Variants in PAMR1 observed in about 807,000 individuals in gnomAD.
PAMR1 encodes peptidase domain containing associated with muscle regeneration 1, also known as inactive serine protease PAMR1.
In PAMR1, 88 loss-of-function variants were observed where a neutral mutation model predicts 81.8. That is an observed-to-expected ratio of 1.08 (90% CI 0.91 to 1.28). The LOEUF (loss-of-function observed/expected upper bound fraction) is 1.28. Ranked by LOEUF, PAMR1 falls within the 50% of genes most tolerant of loss-of-function variation. The pLI, the probability that PAMR1 is intolerant of heterozygous loss-of-function variation, is 0.00. For synonymous variants in PAMR1, 336 were observed against 345.3 expected (o/e 0.97, Z 0.30); for missense variants, 935 against 919.7 (o/e 1.02, Z -0.21).
At chr11:35,526,930 G>A (rs116222526), upstream of PAMR1, among the ~76,000 whole-genome samples, 957 of 152,288 alleles carry the variant, frequency 6.3e-3, 11 homozygotes, top group African/African-American at 0.022. Flanking sequence ...TACAAGTAGG[G>A]TGTGCTGAGC....
intron 1 of PAMR1, among the ~76,000 whole-genome samples, chr11:35,512,274 C>A (rs1851087808): frequency 6.6e-6 from 1 of 152,202 alleles, no homozygotes; most frequent in South Asian, 2.1e-4. Context: ...ACCCAGCACC[C>A]ACTAAGGATA....
At chr11:35,530,296 A>G (rs942171825), upstream of PAMR1, 1 of 152,236 alleles carries the variant, frequency 6.6e-6, no homozygotes, top group Non-Finnish European at 1.5e-5. Context: ...TCCAGCCCTA[A>G]TGAATCCCGG....
chr11:35,446,943 C>T (rs11603863), intron 6 of PAMR1, among the ~76,000 whole-genome samples: 18,012 of 152,036 alleles, frequency 0.12, 1,432 homozygotes, highest in Non-Finnish European at 0.18. Flanking sequence ...TTAAAGTCTC[C>T]CACTGTTTTT....
chr11:35,439,638 C>G lies in PAMR1; in HGVS notation c.1089G>C (p.Gln363His), dbSNP rs1355593455. The change falls in exon 8 of 11, where the codon CAG (glutamine) becomes CAC (histidine). Residue 363 changes from glutamine to histidine, a missense_variant. Coordinates refer to ENST00000619888, the MANE Select transcript of PAMR1 (RefSeq NM_001001991.3). ...DLVRRRVLPM[Q>H]VQSRETPLHQ... ...TGTTTTGACCTCACCTTGACTGAAC[C>G]TGCATCGGAAGAACTCTCCTTCTCA... 9 of 1,613,764 alleles carry G rather than the reference C, an allele frequency of 5.6e-6. No individual in the cohort carries two copies. Among genetic ancestry groups the G allele is most frequent in the Non-Finnish European group, 7.6e-6 (9 of 1,179,764 alleles).
intron 6 of PAMR1, among the ~76,000 whole-genome samples, chr11:35,461,996 CT>C (rs962867471): frequency 2.6e-5 from 4 of 152,108 alleles, no homozygotes; most frequent in Non-Finnish European, 5.9e-5. Flanking sequence ...CTCCCTGCCC[CT>C]TTAACAAAAT....
intron 7 of PAMR1, among the ~76,000 whole-genome samples, chr11:35,441,051 TC>T (rs966533331): frequency 6.6e-6 from 1 of 152,336 alleles, no homozygotes; most frequent in African/African-American, 2.4e-5. Context: ...ACATCTTCAA[TC>T]CTCCCCCTCC....
intron 1 of PAMR1, among the ~76,000 whole-genome samples, chr11:35,516,208 C>A (rs1184050470): frequency 6.6e-6 from 1 of 152,158 alleles, no homozygotes; most frequent in Non-Finnish European, 1.5e-5. Context: ...TAAATAAAAC[C>A]AGCCATAAAC....
intron 5 of PAMR1, among the ~76,000 whole-genome samples, chr11:35,469,780 T>C (rs764437897): frequency 9.9e-5 from 15 of 151,354 alleles, no homozygotes; most frequent in Non-Finnish European, 1.8e-4. Flanking sequence ...CAGAATACCA[T>C]TACGAGTTCT....
chr11:35,448,614 T>G (rs950913797), intron 6 of PAMR1, among the ~76,000 whole-genome samples: 5 of 152,222 alleles, frequency 3.3e-5, no homozygotes, highest in African/African-American at 1.2e-4. Flanking sequence ...AGTTCATTAT[T>G]ACTTACCTTT....
chr11:35,433,023 A>T, intron 10 of PAMR1, 131 bp from the exon 11 acceptor site: 1 of 760,460 alleles, frequency 1.3e-6, no homozygotes, highest in Non-Finnish European at 2.1e-6. Context: ...GAGATACTTC[A>T]CTCAAGAAAT....
chr11:35,492,189 G>A lies in PAMR1; in HGVS notation c.251-16C>T, dbSNP rs767284594. ...ATGGTACAACCTGAAACATTCCCAA[G>A]AAGAGGAGTGTTAGGCCAAAGCACC... On this transcript the variant is annotated splice_polypyrimidine_tract_variant and intron_variant, in intron 2 of 10. Transcript: ENST00000619888. The A allele has an allele frequency of 4.3e-6, 7 of 1,613,794 alleles. No individual in the cohort carries two copies. In the South Asian group the frequency reaches 7.7e-5, roughly 18 times the overall value.
At chr11:35,455,208 T>A (rs761814058) in intron 6 of PAMR1, among the ~76,000 whole-genome samples, 1 of 152,238 alleles carries the variant, frequency 6.6e-6, no homozygotes, top group Non-Finnish European at 1.5e-5. Context: ...ATGATGATAG[T>A]GATATCAGGG....
chr11:35,508,602 C>T (rs1314726729), intron 1 of PAMR1, among the ~76,000 whole-genome samples: 1 of 138,892 alleles, frequency 7.2e-6, no homozygotes, highest in Non-Finnish European at 1.5e-5. Flanking sequence ...AACTATGTAT[C>T]ATGCAGGTTT....
At chr11:35,508,516 ATTTT>A (rs59836040) in intron 1 of PAMR1, among the ~76,000 whole-genome samples, 11 of 98,022 alleles carry the variant, frequency 1.1e-4, no homozygotes, top group East Asian at 6.0e-4. Flanking sequence ...AGGAACCTCC[ATTTT>A]TTTTTTTTTT....
In PAMR1 at chr11:35,432,502, A is replaced by AG; in HGVS notation, c.2016dup (p.Phe673LeufsTer8). The stretch of plus-strand genomic sequence containing the variant: ...GGCTCAGGAGATGCTCGTCCCGGGA[A>AG]GGACACAGCCGCGATGCCTCCTGTC... On this transcript the variant is annotated frameshift_variant, in exon 11 of 11. Coordinates refer to ENST00000619888, the MANE Select transcript of PAMR1 (RefSeq NM_001001991.3). LOFTEE classifies it high-confidence loss of function. 6.2e-7 allele frequency: 1 copy of AG among 1,614,256 alleles called. No individual in the cohort carries two copies. Among genetic ancestry groups the AG allele is most frequent in the Non-Finnish European group, 8.5e-7 (1 of 1,180,048 alleles).
chr11:35,478,839 T>C (rs1403176111), intron 3 of PAMR1, among the ~76,000 whole-genome samples: 4 of 138,682 alleles, frequency 2.9e-5, no homozygotes, highest in Admixed American at 2.1e-4. Context: ...TGTGGGCGTG[T>C]GTGTGTGTGT....
intron 6 of PAMR1, among the ~76,000 whole-genome samples, chr11:35,443,058 T>C (rs1856210847): frequency 3.3e-5 from 5 of 152,204 alleles, no homozygotes; most frequent in Admixed American, 2.6e-4. Context: ...CCAGTAGTTC[T>C]CAACCCTTGC....
At chr11:35,528,732 T>C (rs1049742941), upstream of PAMR1, among the ~76,000 whole-genome samples, 1 of 152,234 alleles carries the variant, frequency 6.6e-6, no homozygotes, top group Admixed American at 6.5e-5. Context: ...AAGTCCCTGG[T>C]ACCAGGTCTT....
chr11:35,439,789 CCAGGTG>C (rs1433137871), intron 7 of PAMR1, 96 bp from the exon 8 acceptor site: 6 of 1,005,534 alleles, frequency 6.0e-6, no homozygotes, highest in Non-Finnish European at 7.8e-6. Flanking sequence ...CTTCTGGACA[CCAGGTG>C]CCCATTCCCC....
Sources: gnomAD v4.1 joint callset for allele counts (sites outside exome capture counted in the v4.1 genomes callset) on GRCh38, gnomAD v4.1.1 for gene constraint, MANE v1.5 for transcripts, NCBI Gene and HGNC (gene_info 2026-07-23, HGNC 2026-07-21) for gene names.